The following COL8A1 variants were observed in gnomAD, a reference collection of about 807,000 sequenced individuals.
COL8A1 encodes the protein collagen alpha-1(VIII) chain.
A neutral mutation model predicts 42.7 loss-of-function variants in COL8A1; 21 were observed. That is an observed-to-expected ratio of 0.49 (90% CI 0.35 to 0.71). The LOEUF (loss-of-function observed/expected upper bound fraction) is 0.71, where lower values mean the gene tolerates loss of function less well. COL8A1 is among the 30% of genes least tolerant of loss of function. The pLI is 0.01. For missense variants in COL8A1, 788 were observed against 962.4 expected (o/e 0.82, Z 2.40); for synonymous variants, 367 against 369.1 (o/e 0.99, Z 0.06).
At chr3:99,726,467 T>A (rs1333195633) in intron 1 of COL8A1, among the ~76,000 whole-genome samples, 2 of 151,696 alleles carry the variant, frequency 1.3e-5, no homozygotes, top group East Asian at 3.9e-4. Context: ...TTTGATGTTT[T>A]AGACATGAAG....
intron 2 of COL8A1, among the ~76,000 whole-genome samples, chr3:99,783,711 G>A (rs1040602450): frequency 3.3e-5 from 5 of 152,238 alleles, no homozygotes; most frequent in African/African-American, 1.2e-4. Context: ...TCTTCACAAG[G>A]TAGCAGGAGA....
chr3:99,680,603 G>A (rs1245567172), intron 1 of COL8A1: 1 of 152,134 alleles, frequency 6.6e-6, no homozygotes. Context: ...CTAGTTTACA[G>A]TCCCACCAAC....
chr3:99,740,825 C>A (rs694429), intron 1 of COL8A1, among the ~76,000 whole-genome samples: 1 of 152,058 alleles, frequency 6.6e-6, no homozygotes, highest in African/African-American at 2.4e-5. Flanking sequence ...AGGAAAAATA[C>A]TGAAAATTCC....
intron 2 of COL8A1, among the ~76,000 whole-genome samples, chr3:99,768,162 C>A (rs1941500800): frequency 6.6e-6 from 1 of 152,188 alleles, no homozygotes; most frequent in Non-Finnish European, 1.5e-5. Flanking sequence ...GGATAAGGGG[C>A]TCCCATAAAC....
chr3:99,669,686 C>A (rs980419225), intron 1 of COL8A1, among the ~76,000 whole-genome samples: 1 of 151,986 alleles, frequency 6.6e-6, no homozygotes, highest in South Asian at 2.1e-4. Context: ...TACATAATAA[C>A]CATATAAGTC....
intron 2 of COL8A1, among the ~76,000 whole-genome samples, chr3:99,783,875 T>C (rs1181139146): frequency 6.6e-6 from 1 of 152,102 alleles, no homozygotes; most frequent in East Asian, 1.9e-4. Flanking sequence ...TCCCTTGACA[T>C]ATGGGGATTA....
At chr3:99,664,903 G>A (rs886790569) in intron 1 of COL8A1, among the ~76,000 whole-genome samples, 4 of 152,132 alleles carry the variant, frequency 2.6e-5, no homozygotes, top group Admixed American at 6.5e-5. Context: ...GGAGGAGTGC[G>A]CCTCTCCACT....
chr3:99,782,547 A>T (rs1249238638), intron 2 of COL8A1, among the ~76,000 whole-genome samples: 1 of 152,024 alleles, frequency 6.6e-6, no homozygotes, highest in East Asian at 1.9e-4. Context: ...ATGTGCCACC[A>T]TGCCCGGCTA....
At chr3:99,676,093 T>C (rs1938684891) in intron 1 of COL8A1, among the ~76,000 whole-genome samples, 1 of 152,102 alleles carries the variant, frequency 6.6e-6, no homozygotes, top group Non-Finnish European at 1.5e-5. Flanking sequence ...CCAGTAAATA[T>C]GACAATTTAT....
At position 99,708,301 on chromosome 3, in the gene COL8A1, T is replaced by C. The variant is rs572910517; in HGVS notation, c.-128-36596T>C. On this transcript the variant is annotated intron_variant, in intron 1 of 3. Coordinates refer to ENST00000652472, the MANE Select transcript of COL8A1 (RefSeq NM_020351.4). ...TCATAGAACTGGAAACTGAAGAAGATGCCAGATGCCTCAAGACAGACTGTG... is the reference window on the plus strand; with the variant it reads ...TCATAGAACTGGAAACTGAAGAAGACGCCAGATGCCTCAAGACAGACTGTG... Among the ~76,000 whole-genome samples, 8 of 152,296 alleles carry C rather than the reference T, an allele frequency of 5.3e-5. No individual in the cohort carries two copies. The South Asian group carries it at 1.5e-3, about 28-fold the overall frequency.
chr3:99,662,093 T>C (rs946402737), intron 1 of COL8A1, among the ~76,000 whole-genome samples: 3 of 152,176 alleles, frequency 2.0e-5, no homozygotes, highest in Non-Finnish European at 4.4e-5. Flanking sequence ...AAATGGTTAA[T>C]ATGGGCCGAG....
At chr3:99,669,180 G>C (rs1042236408) in intron 1 of COL8A1, among the ~76,000 whole-genome samples, 1 of 146,822 alleles carries the variant, frequency 6.8e-6, no homozygotes, top group African/African-American at 2.5e-5. Flanking sequence ...GAGAGAGAGA[G>C]AGGGACAAAG....
intron 2 of COL8A1, among the ~76,000 whole-genome samples, chr3:99,776,366 T>G (rs1941693060): frequency 6.6e-6 from 1 of 152,154 alleles, no homozygotes; most frequent in South Asian, 2.1e-4. Flanking sequence ...GGATTGACAT[T>G]GAGGCAGAAG....
intron 2 of COL8A1, among the ~76,000 whole-genome samples, chr3:99,777,041 T>C (rs1324033677): frequency 6.6e-6 from 1 of 152,192 alleles, no homozygotes; most frequent in Non-Finnish European, 1.5e-5. Context: ...CCACAACCTG[T>C]TTTATCAGCA....
rs1405565953 is a variant in COL8A1, at chr3:99,797,118, A to G, written c.*982A>G. 1 of 152,198 alleles carries G rather than the reference A, an allele frequency of 6.6e-6. No individual in the cohort carries two copies. The highest frequency in any genetic ancestry group is 1.5e-5 in the Non-Finnish European group (1 of 68,040). The allele number at this position is 152,198 out of a possible 1,614,324, so 9.4% of individuals were successfully genotyped here. On this transcript the variant is annotated 3_prime_UTR_variant, in exon 4 of 4. Transcript: ENST00000652472. ...AATAGCAGTTATCAGTTATGCTTAT[A>G]TAGCATTAAAAATTCTCCTCCTTTG...
At chr3:99,638,935 T>C (rs1053641288) in intron 1 of COL8A1, among the ~76,000 whole-genome samples, 1 of 152,232 alleles carries the variant, frequency 6.6e-6, no homozygotes, top group Non-Finnish European at 1.5e-5. Context: ...TTGCTTAGGT[T>C]AAAATGTATC....
At chr3:99,786,214 T>C (rs952593349) in intron 2 of COL8A1, among the ~76,000 whole-genome samples, 1 of 152,186 alleles carries the variant, frequency 6.6e-6, no homozygotes, top group South Asian at 2.1e-4. Context: ...TTCCACTCTG[T>C]CATTATTGAA....
At chr3:99,666,059 ATCT>A (rs1209676869) in intron 1 of COL8A1, among the ~76,000 whole-genome samples, 2 of 152,080 alleles carry the variant, frequency 1.3e-5, no homozygotes, top group Admixed American at 1.3e-4. Flanking sequence ...TCCAGCTGAA[ATCT>A]TCTGGAAGAA....
Position 99,796,076 on chromosome 3 carries a change from A to G in COL8A1, c.2175A>G (p.Gly725=), listed in dbSNP as rs752145764. The stretch of plus-strand genomic sequence containing the variant: ...AGATGCCCTCAGAACAGGCTGCAGG[A>G]CTGTATGCCGGGCAGTATGTCCACT... ...FLQMPSEQAA[G]LYAGQYVHSS... is the part of the protein sequence containing the mutation. Residue 725 remains glycine, a synonymous_variant, in exon 4 of 4, where the codon GGA becomes GGG. Coordinates refer to ENST00000652472, the MANE Select transcript of COL8A1 (RefSeq NM_020351.4). The G allele has an allele frequency of 1.3e-6, 2 of 1,595,926 alleles. No individual in the cohort carries two copies. The highest frequency in any genetic ancestry group is 1.7e-5 in the Admixed American group (1 of 58,502).
Sources: allele counts gnomAD v4.1 joint callset (sites outside exome capture counted in the v4.1 genomes callset), GRCh38; gene constraint gnomAD v4.1.1; transcripts MANE v1.5; gene names NCBI Gene and HGNC (gene_info 2026-07-23, HGNC 2026-07-21).